Variants in NFXL1 observed in about 807,000 individuals in gnomAD.
NFXL1 encodes nuclear transcription factor, X-box binding like 1.
NFXL1 carries 66 observed loss-of-function variants against 123.3 expected under a neutral mutation model. The ratio of observed to expected loss-of-function variants is 0.54; its 90% CI spans 0.44 to 0.66. The LOEUF is 0.66. Ranked by LOEUF, NFXL1 falls within the 30% of genes least tolerant of loss-of-function variation. NFXL1 has a pLI of 0.00. For synonymous variants in NFXL1, 346 were observed against 360.8 expected (o/e 0.96, Z 0.46); for missense variants, 944 against 1,125.6 (o/e 0.84, Z 2.31).
At position 47,885,493 on chromosome 4, in the gene NFXL1, C is replaced by T. The variant is rs1440615710; in HGVS notation, c.1824+5G>A. The T allele has an allele frequency of 4.4e-6, 7 of 1,607,466 alleles. No homozygotes were observed. The highest frequency in any genetic ancestry group is 6.0e-6 in the Non-Finnish European group (7 of 1,174,958). On this transcript the variant is annotated splice_donor_5th_base_variant and intron_variant, in intron 14 of 22. Transcript: ENST00000507489. ...ACTATTTCTCTAATAGTATTATTCC[C>T]TTACCCTGCCAGTCTGCTTTATTAA...
chr4:47,860,048 C>T (rs1734666330), intron 19 of NFXL1, among the ~76,000 whole-genome samples: 1 of 151,864 alleles, frequency 6.6e-6, no homozygotes, highest in African/African-American at 2.4e-5. Context: ...GAGGAATAAA[C>T]TCAAAAGATC....
chr4:47,884,312 G>GTT (rs747096244), intron 15 of NFXL1, 34 bp downstream of exon 15: 497 of 965,054 alleles, frequency 5.1e-4, no homozygotes, highest in South Asian at 6.5e-4. Flanking sequence ...AAAGTTTTTT[G>GTT]TTTTTTTTTT....
At chr4:47,869,738 A>G (rs1431266154) in intron 18 of NFXL1, among the ~76,000 whole-genome samples, 1 of 152,124 alleles carries the variant, frequency 6.6e-6, no homozygotes, top group African/African-American at 2.4e-5. Context: ...ATAAGAGCAG[A>G]AAAAATGTGG....
rs117697237 is a variant in NFXL1 at position 47,891,601 on chromosome 4, A to G, written c.1453-898T>C. ...GACACCAGTCAACTACTTCAAGTCT[A>G]TATTGCCATCTTAACTCTTTCCTTA... On this transcript the variant is annotated intron_variant, in intron 11 of 22. Coordinates refer to ENST00000507489, the MANE Select transcript of NFXL1 (RefSeq NM_001278624.2). Among the ~76,000 whole-genome samples, 13 of 152,286 alleles carry G rather than the reference A, an allele frequency of 8.5e-5. No homozygotes were observed. In the East Asian group the frequency reaches 2.3e-3, roughly 27 times the overall value.
intron 12 of NFXL1, among the ~76,000 whole-genome samples, chr4:47,888,983 T>C (rs1448869022): frequency 1.3e-5 from 2 of 152,210 alleles, no homozygotes. Flanking sequence ...GAAATATTTA[T>C]GGGCTTTGCT....
At chr4:47,868,209 C>T (rs1004891241) in intron 18 of NFXL1, among the ~76,000 whole-genome samples, 1 of 151,806 alleles carries the variant, frequency 6.6e-6, no homozygotes. Context: ...GTCCCAGCTA[C>T]GCGGGAGGCT....
chr4:47,897,363 A>G (rs1421407766), intron 9 of NFXL1, among the ~76,000 whole-genome samples: 1 of 152,276 alleles, frequency 6.6e-6, no homozygotes, highest in East Asian at 1.9e-4. Context: ...TAACATAAAC[A>G]TATTGTGACA....
At chr4:47,890,768 T>C in intron 11 of NFXL1, 65 bp from the exon 12 acceptor site, 2 of 849,626 alleles carry the variant, frequency 2.4e-6, no homozygotes, top group South Asian at 2.8e-5. Context: ...GGCATGTCAT[T>C]ACTAGTTACA....
intron 15 of NFXL1, among the ~76,000 whole-genome samples, chr4:47,883,899 T>C (rs1291528127): frequency 6.6e-6 from 1 of 152,200 alleles, no homozygotes; most frequent in Non-Finnish European, 1.5e-5. Flanking sequence ...TCAGTCCCAG[T>C]CATTCACTGG....
chr4:47,860,716 C>T (rs1734716434), intron 19 of NFXL1, among the ~76,000 whole-genome samples: 2 of 152,202 alleles, frequency 1.3e-5, no homozygotes, highest in Non-Finnish European at 2.9e-5. Context: ...AAGTGATATA[C>T]TTCTTGGCTG....
At chr4:47,875,522 G>A (rs1735691377) in intron 17 of NFXL1, among the ~76,000 whole-genome samples, 1 of 151,974 alleles carries the variant, frequency 6.6e-6, no homozygotes, top group Non-Finnish European at 1.5e-5. Context: ...TTGCCTATGA[G>A]CCTCATTAAG....
chr4:47,855,423 C>G (rs1734354012), intron 19 of NFXL1, among the ~76,000 whole-genome samples: 1 of 151,642 alleles, frequency 6.6e-6, no homozygotes, highest in African/African-American at 2.4e-5. Flanking sequence ...TACAGCCACC[C>G]TTGTAGCTAG....
chr4:47,875,056 GTTC>G (rs2110065467), intron 18 of NFXL1, 68 bp downstream of exon 18: 1 of 1,058,906 alleles, frequency 9.4e-7, no homozygotes, highest in African/African-American at 1.6e-5. Context: ...ACTATAAAGG[GTTC>G]TTAATTATAA....
chr4:47,883,857 TC>T (rs1736261570), intron 15 of NFXL1, among the ~76,000 whole-genome samples: 1 of 152,204 alleles, frequency 6.6e-6, no homozygotes, highest in Non-Finnish European at 1.5e-5. Flanking sequence ...ATTCCAGGAT[TC>T]CGTATTACTG....
chr4:47,897,954 AAAC>A lies in NFXL1; in HGVS notation c.1204+10_1204+12del. 1 of 1,503,318 alleles carries A rather than the reference AAAC, an allele frequency of 6.7e-7. No homozygotes were observed. The highest frequency in any genetic ancestry group is 9.1e-7 in the Non-Finnish European group (1 of 1,099,492). The allele number at this position is 1,503,318 out of a possible 1,614,324, so 93.1% of individuals were successfully genotyped here. A position where few individuals can be genotyped will look rare whatever the true frequency, so the allele number is the denominator to read the frequency against. On this transcript the variant is annotated intron_variant, in intron 9 of 22. Coordinates refer to ENST00000507489, the MANE Select transcript of NFXL1 (RefSeq NM_001278624.2). Reference sequence around the variant, plus strand: ...TCATTTCCTATATAAATATAAAAAAAAACAAGTCTTACTTGATTTCTGACATGG... The same window carrying A: ...TCATTTCCTATATAAATATAAAAAAAAAGTCTTACTTGATTTCTGACATGG...
chr4:47,891,364 G>A (rs1381596057), intron 11 of NFXL1, among the ~76,000 whole-genome samples: 4 of 151,938 alleles, frequency 2.6e-5, no homozygotes, highest in African/African-American at 7.3e-5. Context: ...TGCCTGCCTT[G>A]GCCTCCCAAA....
chr4:47,879,594 A>G (rs903583096), intron 15 of NFXL1, among the ~76,000 whole-genome samples: 3 of 152,186 alleles, frequency 2.0e-5, no homozygotes, highest in African/African-American at 4.8e-5. Flanking sequence ...CTATATAGAA[A>G]GATAACAGAC....
chr4:47,907,959 G>A (rs1370641908), intron 3 of NFXL1, among the ~76,000 whole-genome samples: 1 of 152,160 alleles, frequency 6.6e-6, no homozygotes, highest in African/African-American at 2.4e-5. Context: ...AGACTTCTCA[G>A]CCAAACTTCC....
At chr4:47,873,542 G>C (rs1460583745) in intron 18 of NFXL1, among the ~76,000 whole-genome samples, 2 of 152,166 alleles carry the variant, frequency 1.3e-5, no homozygotes, top group Admixed American at 6.5e-5. Context: ...TCAATGAGCA[G>C]TAATATTTTT....
Sources: allele counts gnomAD v4.1 joint callset (sites outside exome capture counted in the v4.1 genomes callset), GRCh38; gene constraint gnomAD v4.1.1; transcripts MANE v1.5; gene names NCBI Gene and HGNC (gene_info 2026-07-23, HGNC 2026-07-21).